Variants in NRG3 observed in about 807,000 individuals in gnomAD.
The protein encoded by NRG3 is pro-neuregulin-3, membrane-bound isoform.
NRG3 carries 31 observed loss-of-function variants against 66.9 expected under a neutral mutation model. The ratio of observed to expected loss-of-function variants is 0.46; its 90% confidence interval spans 0.35 to 0.63. NRG3 has a LOEUF of 0.63. Among genes scored for constraint, NRG3 ranks in the 20% least tolerant of loss-of-function variants. The pLI is 0.00. For synonymous variants in NRG3, 393 were observed against 359.4 expected (o/e 1.09, Z -1.06); for missense variants, 910 against 878.9 (o/e 1.04, Z -0.45).
intron 4 of NRG3, among the ~76,000 whole-genome samples, chr10:82,901,926 A>C (rs1844259971): frequency 6.6e-6 from 1 of 152,162 alleles, no homozygotes; most frequent in East Asian, 1.9e-4. Flanking sequence ...GATTACTCTT[A>C]ATTTAAAGTA....
intron 1 of NRG3, among the ~76,000 whole-genome samples, chr10:82,018,947 C>T (rs1320909147): frequency 6.6e-6 from 1 of 152,082 alleles, no homozygotes; most frequent in East Asian, 1.9e-4. Context: ...TGTCTTATTG[C>T]CCTGGCCAGA....
intron 2 of NRG3, among the ~76,000 whole-genome samples, chr10:82,451,643 G>A (rs938145633): frequency 6.6e-6 from 1 of 152,030 alleles, no homozygotes; most frequent in Non-Finnish European, 1.5e-5. Context: ...ATCAATAACA[G>A]CGACTGAAAA....
intron 1 of NRG3, among the ~76,000 whole-genome samples, chr10:82,052,483 A>C (rs938135438): frequency 6.6e-6 from 1 of 152,184 alleles, no homozygotes; most frequent in Non-Finnish European, 1.5e-5. Context: ...GCTCACACAG[A>C]CTGTAATTAC....
At chr10:82,895,773 G>A (rs1843609585) in intron 4 of NRG3, among the ~76,000 whole-genome samples, 1 of 152,166 alleles carries the variant, frequency 6.6e-6, no homozygotes, top group Non-Finnish European at 1.5e-5. Context: ...TTACAGACGT[G>A]AGCCACCGCG....
intron 1 of NRG3, among the ~76,000 whole-genome samples, chr10:81,954,132 C>A (rs1223778059): frequency 6.6e-6 from 1 of 151,986 alleles, no homozygotes; most frequent in African/African-American, 2.4e-5. Flanking sequence ...AAGCATGGAA[C>A]ATTTTGAATT....
chr10:82,045,693 G>A (rs2063253444), intron 1 of NRG3, among the ~76,000 whole-genome samples: 1 of 73,524 alleles, frequency 1.4e-5, no homozygotes, highest in Non-Finnish European at 3.1e-5. Context: ...GGGTTTTTAT[G>A]GTTTTAGGTC....
chr10:82,077,897 A>G (rs1382637301), intron 1 of NRG3, among the ~76,000 whole-genome samples: 1 of 152,206 alleles, frequency 6.6e-6, no homozygotes, highest in African/African-American at 2.4e-5. Flanking sequence ...GCCTCCAGGC[A>G]TAGCAGGTAT....
intron 1 of NRG3, among the ~76,000 whole-genome samples, chr10:81,955,181 A>ATT (rs1849712119): frequency 6.8e-6 from 1 of 148,034 alleles, no homozygotes; most frequent in Admixed American, 6.8e-5. Context: ...TACTATATAT[A>ATT]TTATATATAT....
intron 2 of NRG3, among the ~76,000 whole-genome samples, chr10:82,656,803 A>G (rs989772348): frequency 6.6e-6 from 1 of 152,148 alleles, no homozygotes; most frequent in Non-Finnish European, 1.5e-5. Flanking sequence ...CATGCCTCAT[A>G]TATCTATTTT....
intron 2 of NRG3, among the ~76,000 whole-genome samples, chr10:82,653,170 A>G (rs1320739946): frequency 6.6e-6 from 1 of 152,242 alleles, no homozygotes; most frequent in Non-Finnish European, 1.5e-5. Flanking sequence ...CTCTTGGCAG[A>G]AAGACACTGG....
intron 1 of NRG3, among the ~76,000 whole-genome samples, chr10:82,037,817 G>C (rs967434991): frequency 6.6e-6 from 1 of 152,008 alleles, no homozygotes; most frequent in Non-Finnish European, 1.5e-5. Context: ...AAAACTGTGT[G>C]TTCAAGAATT....
chr10:82,128,357 A>C (rs1352150571), intron 1 of NRG3, among the ~76,000 whole-genome samples: 2 of 152,046 alleles, frequency 1.3e-5, no homozygotes, highest in Non-Finnish European at 2.9e-5. Flanking sequence ...TGTTTTTAAA[A>C]ACTCAAATTG....
At chr10:82,088,834 A>G (rs576195030) in intron 1 of NRG3, among the ~76,000 whole-genome samples, 6 of 152,212 alleles carry the variant, frequency 3.9e-5, no homozygotes, top group African/African-American at 1.2e-4. Flanking sequence ...GTCATAAACA[A>G]AATTTACGTT....
intron 1 of NRG3, among the ~76,000 whole-genome samples, chr10:82,246,280 C>G (rs561730367): frequency 2.6e-5 from 4 of 152,136 alleles, no homozygotes; most frequent in Non-Finnish European, 4.4e-5. Context: ...CCCAGACTGG[C>G]CTATTTTGCT....
intron 8 of NRG3, among the ~76,000 whole-genome samples, chr10:82,980,979 A>T (rs1399283896): frequency 6.6e-6 from 1 of 152,200 alleles, no homozygotes; most frequent in Non-Finnish European, 1.5e-5. Context: ...CCTGGGATGA[A>T]TGTTACAAGA....
chr10:82,045,388 T>C (rs909252087), intron 1 of NRG3, among the ~76,000 whole-genome samples: 3 of 101,052 alleles, frequency 3.0e-5, no homozygotes, highest in Non-Finnish European at 4.4e-5. Flanking sequence ...TCTGTTCATA[T>C]CCTTCGCCCA....
chr10:82,695,919 G>A (rs976884511), intron 2 of NRG3, among the ~76,000 whole-genome samples: 1 of 152,114 alleles, frequency 6.6e-6, no homozygotes, highest in African/African-American at 2.4e-5. Flanking sequence ...TTCCTCTGGA[G>A]TCTTTTTGAG....
At chr10:82,984,498 G>A (rs1853250749) in intron 8 of NRG3, among the ~76,000 whole-genome samples, 1 of 152,200 alleles carries the variant, frequency 6.6e-6, no homozygotes, top group Non-Finnish European at 1.5e-5. Flanking sequence ...TCAGCAATCT[G>A]GCAGTGAGGT....
intron 2 of NRG3, among the ~76,000 whole-genome samples, chr10:82,644,434 T>C (rs1341446049): frequency 6.6e-6 from 1 of 152,186 alleles, no homozygotes; most frequent in Non-Finnish European, 1.5e-5. Flanking sequence ...CCTTTTCTCT[T>C]CTTTTTTTAA....
Sources: gnomAD v4.1 joint callset for allele counts (sites outside exome capture counted in the v4.1 genomes callset) on GRCh38, gnomAD v4.1.1 for gene constraint, MANE v1.5 for transcripts, NCBI Gene and HGNC (gene_info 2026-07-23, HGNC 2026-07-21) for gene names.